Variants in RAB11FIP1 observed in about 807,000 individuals in gnomAD.
The protein encoded by RAB11FIP1 is rab11 family-interacting protein 1.
Under a neutral mutation model 83.1 loss-of-function variants are expected in RAB11FIP1, and 49 were observed. The ratio of observed to expected loss-of-function variants is 0.59; its 90% CI spans 0.47 to 0.75. RAB11FIP1 has a LOEUF of 0.75. Among genes scored for constraint, RAB11FIP1 ranks in the 30% least tolerant of loss-of-function variants. The pLI, the probability that RAB11FIP1 is intolerant of heterozygous loss-of-function variation, is 0.00. For synonymous variants in RAB11FIP1, 670 were observed against 656.0 expected (o/e 1.02, Z -0.33); for missense variants, 1,536 against 1,598.7 (o/e 0.96, Z 0.67).
chr8:37,874,007 A>C (rs1217598511), intron 3 of RAB11FIP1, among the ~76,000 whole-genome samples: 1 of 152,208 alleles, frequency 6.6e-6, no homozygotes, highest in Non-Finnish European at 1.5e-5. Flanking sequence ...GCCAGTCCCC[A>C]AGGCTTATGC....
At position 37,862,807 on chromosome 8, in the gene RAB11FIP1, G is replaced by T. The variant is rs747801928; in HGVS notation, c.*88C>A. 9 of 988,118 alleles carry T rather than the reference G, an allele frequency of 9.1e-6. No homozygotes were observed. Among genetic ancestry groups the T allele is most frequent in the Non-Finnish European group, 1.4e-5 (9 of 648,828 alleles). 61.2% of individuals were successfully genotyped at this position (988,118 alleles called of 1,614,324 possible). A position where few individuals can be genotyped will look rare whatever the true frequency, so the allele number is the denominator to read the frequency against. On this transcript the variant is annotated 3_prime_UTR_variant, in exon 6 of 6. Transcript: ENST00000330843. ...GGAGATGGTGATTCGGAGCCTGCTG[G>T]CTGGTTATCAGGCAAGGCAAGTCCT...
rs1806578798 is a variant in RAB11FIP1 at position 37,875,060 on chromosome 8, C to T, written c.1077G>A (p.Glu359=). ...CCTTCCAAGACCCAGCCGCCAGGTT[C>T]TCTGTAGAAGAGAACAAATGCTTCT... is the stretch of plus-strand genomic sequence containing the variant. ...FRKKHLFSST[E]NLAAGSWKEP... Residue 359 remains glutamate, a synonymous_variant, in exon 3 of 6, where the codon GAG becomes GAA. Coordinates refer to ENST00000330843, the MANE Select transcript of RAB11FIP1 (RefSeq NM_001002814.3). The T allele has an allele frequency of 2.5e-6, 4 of 1,614,170 alleles. No individual in the cohort carries two copies. Among genetic ancestry groups the T allele is most frequent in the Non-Finnish European group, 3.4e-6 (4 of 1,180,042 alleles).
Position 37,874,961 on chromosome 8 carries a change from A to G in RAB11FIP1, c.1176T>C (p.Ser392=). 1 of 1,614,210 alleles carries G rather than the reference A, an allele frequency of 6.2e-7. No individual in the cohort carries two copies. Among genetic ancestry groups the G allele is most frequent in the South Asian group, 1.1e-5 (1 of 91,084 alleles). Residue 392 remains serine, a synonymous_variant, in exon 3 of 6, where the codon TCT becomes TCC. Transcript: ENST00000330843. ...CAGGTCGGTAGGACGGCAGGGTCAT[A>G]GACTTCAAGGAGTCCTTGGTGGAAG... ...SESSTKDSLK[S]MTLPSYRPAP...
Position 37,872,696 on chromosome 8 carries a change from T to C in RAB11FIP1, c.2106A>G (p.Gln702=), listed in dbSNP as rs772554431. The change falls in exon 4 of 6, where the codon CAA becomes CAG. Residue 702 remains glutamine (Q), a synonymous_variant. Transcript: ENST00000330843. The part of the protein sequence containing the change: ...SLPEQPETGR[Q]EEELPRFPCK... ...AGGGGAATCTCGGAAGTTCTTCCTC[T>C]TGTCGCCCTGTTTCAGGCTGCTCTG... is the stretch of plus-strand genomic sequence containing the variant. The C allele has an allele frequency of 6.2e-7, 1 of 1,614,118 alleles. No homozygotes were observed. Among genetic ancestry groups the C allele is most frequent in the African/African-American group, 1.3e-5 (1 of 74,944 alleles).
At chr8:37,889,397 A>G (rs1180755947) in intron 1 of RAB11FIP1, among the ~76,000 whole-genome samples, 1 of 152,170 alleles carries the variant, frequency 6.6e-6, no homozygotes, top group Non-Finnish European at 1.5e-5. Flanking sequence ...TGACTTACCA[A>G]TTCTTTACAA....
intron 1 of RAB11FIP1, among the ~76,000 whole-genome samples, chr8:37,898,365 G>A (rs1033088739): frequency 1.3e-5 from 2 of 152,126 alleles, no homozygotes; most frequent in East Asian, 3.9e-4. Flanking sequence ...ACAAAAATTA[G>A]CCGGGCGGGC....
At position 37,899,146 on chromosome 8, in the gene RAB11FIP1, C is replaced by G; in HGVS notation, c.296G>C (p.Gly99Ala). The G allele has an allele frequency of 6.5e-7, 1 of 1,545,310 alleles. No individual in the cohort carries two copies. The highest frequency in any genetic ancestry group is 1.4e-5 in the African/African-American group (1 of 71,624). ...GGCGCGGCCCAGGAACTTGTCGAGG[C>G]CGAGCAGCGCGCGGTGCAGCACGGT... is the stretch of plus-strand genomic sequence containing the variant. ...QLTVLHRALL[G>A]LDKFLGRAEV... The change falls in exon 1 of 6, where the codon GGC (glycine) becomes GCC (alanine). Residue 99 changes from glycine to alanine, a missense_variant. Coordinates refer to ENST00000330843, the MANE Select transcript of RAB11FIP1 (RefSeq NM_001002814.3). The surrounding 1 kb of genome is among the most constrained non-coding windows in gnomAD (Gnocchi z 4.5).
chr8:37,862,607 G>A lies in RAB11FIP1; in HGVS notation c.*288C>T, dbSNP rs1427814632. On this transcript the variant is annotated 3_prime_UTR_variant, in exon 6 of 6. Transcript: ENST00000330843. ...TACTTCCTGTGCCATCTGAATCTCT[G>A]GCTCAGGATCAGATCTTATGACCAC... is the stretch of plus-strand genomic sequence containing the variant. 2 of 288,916 alleles carry A rather than the reference G, an allele frequency of 6.9e-6. No individual in the cohort carries two copies. The highest frequency in any genetic ancestry group is 1.3e-5 in the Non-Finnish European group (2 of 152,106). The allele number at this position is 288,916 out of a possible 1,614,324, so 17.9% of individuals were successfully genotyped here. A position where few individuals can be genotyped will look rare whatever the true frequency, so the allele number is the denominator to read the frequency against.
At chr8:37,863,904 AG>A (rs1806290885) in intron 5 of RAB11FIP1, among the ~76,000 whole-genome samples, 1 of 152,176 alleles carries the variant, frequency 6.6e-6, no homozygotes, top group Non-Finnish European at 1.5e-5. Context: ...CTCCCAAGCC[AG>A]AGGGGGCCCA....
intron 5 of RAB11FIP1, among the ~76,000 whole-genome samples, chr8:37,867,585 T>TA (rs950025374): frequency 1.1e-4 from 17 of 152,074 alleles, no homozygotes; most frequent in Non-Finnish European, 2.1e-4. Flanking sequence ...TGCATGCCTG[T>TA]AATCCCAGCT....
At chr8:37,875,684 G>A (rs192456244) in intron 2 of RAB11FIP1, among the ~76,000 whole-genome samples, 6 of 152,198 alleles carry the variant, frequency 3.9e-5, no homozygotes, top group Admixed American at 3.3e-4. Context: ...GCTAAAGGAA[G>A]CAGATTCCTT....
intron 1 of RAB11FIP1, among the ~76,000 whole-genome samples, chr8:37,898,670 A>G (rs960159196): frequency 1.3e-5 from 2 of 149,714 alleles, no homozygotes; most frequent in African/African-American, 4.9e-5. Context: ...AAAAAAAAAA[A>G]TTAGCCGGGC....
chr8:37,884,733 G>A (rs1806793277), intron 1 of RAB11FIP1, among the ~76,000 whole-genome samples: 1 of 152,078 alleles, frequency 6.6e-6, no homozygotes, highest in Admixed American at 6.6e-5. Flanking sequence ...ATTTTTAGTA[G>A]AGACAGGGTT....
intron 1 of RAB11FIP1, among the ~76,000 whole-genome samples, chr8:37,890,487 AG>A (rs1461360105): frequency 1.3e-5 from 2 of 152,170 alleles, no homozygotes; most frequent in Non-Finnish European, 1.5e-5. Flanking sequence ...TGTGTCCCCC[AG>A]GAACACCCTG....
rs1351666280 is a variant in RAB11FIP1 at position 37,873,146 on chromosome 8, G to C, written c.1656C>G (p.Ala552=). The change falls in exon 4 of 6, where the codon GCC becomes GCG. Residue 552 remains alanine, a synonymous_variant. Coordinates refer to ENST00000330843, the MANE Select transcript of RAB11FIP1 (RefSeq NM_001002814.3). ...GGGAGTCAGTAGGGGAAGGAAGCCT[G>C]GCTGTGGGTTGCGCCTCTGGAGACA... The part of the protein sequence containing the change: ...LEVSPEAQPT[A]RLPSPTDSPS... 1.9e-6 allele frequency: 3 copies of C among 1,607,650 alleles called. No homozygotes were observed. In the African/African-American group the frequency reaches 4.0e-5, roughly 21 times the overall value.
Position 37,872,640 on chromosome 8 carries a change from C to G in RAB11FIP1, c.2162G>C (p.Gly721Ala), listed in dbSNP as rs772894418. ...CKKQDYSPSS[G>A]EAQEVPFALS... ...GGCAAACGGTACTTCCTGGGCTTCT[C>G]CAGATGATGGGCTGTAGTCTTGTTT... The change falls in exon 4 of 6, where the codon GGA becomes GCA. Residue 721 changes from glycine (G) to alanine (A), a missense_variant. By Grantham distance (60) the Gly-to-Ala change is moderately conservative. Coordinates refer to ENST00000330843, the MANE Select transcript of RAB11FIP1 (RefSeq NM_001002814.3). 50 of 1,614,086 alleles carry G rather than the reference C, an allele frequency of 3.1e-5. No individual in the cohort carries two copies. The highest frequency in any genetic ancestry group is 3.7e-5 in the Non-Finnish European group (44 of 1,180,054).
Position 37,899,417 on chromosome 8 carries a change from G to A in RAB11FIP1, c.25C>T (p.Arg9Trp). Residue 9 changes from arginine (R) to tryptophan (W), a missense_variant, in exon 1 of 6, where the codon CGG (arginine) becomes TGG (tryptophan). Physicochemically the swap from Arg to Trp is moderately radical, Grantham distance 101 (BLOSUM62 -3). Transcript: ENST00000330843. This position sits in a 1 kb window ranked among gnomAD's most constrained non-coding sequence, Gnocchi z 4.5. MSLMVSAG[R>W]GLGAVWSPTH... The stretch of plus-strand genomic sequence containing the variant: ...GGGGACCACACGGCCCCCAGGCCCC[G>A]GCCAGCCGAGACCATTAGGGACATG... 1.3e-6 allele frequency: 2 copies of A among 1,582,272 alleles called. No homozygotes were observed.
rs770064721 is a variant in RAB11FIP1 at position 37,899,476 on chromosome 8, C to A, written c.-35G>T. 8 of 1,485,538 alleles carry A rather than the reference C, an allele frequency of 5.4e-6. No homozygotes were observed. In the Admixed American group the frequency reaches 1.4e-4, roughly 27 times the overall value. The allele number at this position is 1,485,538 out of a possible 1,614,324, so 92.0% of individuals were successfully genotyped here. ...AACACTCCAGAAGCGAGGAGAAGAT[C>A]GCCGCGACTGGCGGCCTCCACGGCC... On this transcript the variant is annotated 5_prime_UTR_variant, in exon 1 of 6. Transcript: ENST00000330843. This position sits in a 1 kb window ranked among gnomAD's most constrained non-coding sequence, Gnocchi z 4.5.
intron 5 of RAB11FIP1, among the ~76,000 whole-genome samples, chr8:37,863,766 G>C (rs1806288359): frequency 6.6e-6 from 1 of 152,118 alleles, no homozygotes; most frequent in Admixed American, 6.6e-5. Context: ...AGGACCTCTG[G>C]ACTTGACTCT....
Sources: gnomAD v4.1 joint callset for allele counts (sites outside exome capture counted in the v4.1 genomes callset) on GRCh38, gnomAD v4.1.1 for gene constraint, Gnocchi (gnomAD v3.1) non-coding constraint, MANE v1.5 for transcripts, NCBI Gene and HGNC (gene_info 2026-07-23, HGNC 2026-07-21) for gene names.